Variants in DLG2 observed in about 807,000 individuals in gnomAD.
The protein encoded by DLG2 is discs large MAGUK scaffold protein 2.
Under a neutral mutation model 132.5 loss-of-function variants are expected in DLG2, and 45 were observed. The ratio of observed to expected loss-of-function variants is 0.34; its 90% CI spans 0.27 to 0.44. The LOEUF (loss-of-function observed/expected upper bound fraction) is 0.44. DLG2 is among the 20% of genes least tolerant of loss of function. The probability of loss-of-function intolerance (pLI) is 1.00; values close to 1 mark genes in which losing one functional copy is unlikely to be tolerated. For synonymous variants in DLG2, 424 were observed against 419.6 expected (o/e 1.01, Z -0.13); for missense variants, 1,045 against 1,196.9 (o/e 0.87, Z 1.87).
In DLG2 at chr11:84,364,744, C is replaced by T. The variant is rs567051281; in HGVS notation, c.520-113453G>A. Among the ~76,000 whole-genome samples, 448 of 152,176 alleles carry T rather than the reference C, an allele frequency of 2.9e-3. 1 individual carries two copies. The highest frequency in any genetic ancestry group is 0.01 in the African/African-American group (423 of 41,506). On this transcript the variant is annotated intron_variant, in intron 7 of 27. Coordinates refer to ENST00000376104, the MANE Select transcript of DLG2 (RefSeq NM_001142699.3). ...AAGCGTTGTTGAATTTTGTCAAAGG[C>T]CTTTTCTGCATCTATTGAGATAATC...
intron 4 of DLG2, among the ~76,000 whole-genome samples, chr11:85,220,430 A>G (rs1161826503): frequency 6.6e-6 from 1 of 151,964 alleles, no homozygotes; most frequent in Non-Finnish European, 1.5e-5. Flanking sequence ...AGAGATAAGC[A>G]AGGAGGCCAG....
At chr11:84,207,519 C>T (rs1358689955) in intron 8 of DLG2, among the ~76,000 whole-genome samples, 5 of 152,072 alleles carry the variant, frequency 3.3e-5, no homozygotes, top group South Asian at 2.1e-4. Flanking sequence ...TTGACAAAGG[C>T]GCCAATGGCA....
chr11:85,062,394 C>A (rs191958096), intron 6 of DLG2, among the ~76,000 whole-genome samples: 2 of 151,666 alleles, frequency 1.3e-5, no homozygotes, highest in Admixed American at 1.3e-4. Context: ...ATCTGCAAAT[C>A]TGGGCTCATG....
At chr11:84,462,627 G>T (rs955299487) in intron 7 of DLG2, among the ~76,000 whole-genome samples, 17 of 151,042 alleles carry the variant, frequency 1.1e-4, no homozygotes, top group Admixed American at 6.6e-4. Context: ...AGTATTAAGA[G>T]GGATGCCAGT....
At chr11:85,596,594 T>C (rs1234356417) in intron 3 of DLG2, among the ~76,000 whole-genome samples, 1 of 152,130 alleles carries the variant, frequency 6.6e-6, no homozygotes, top group Non-Finnish European at 1.5e-5. Flanking sequence ...TGGCTATGTA[T>C]TGGCCAGAAT....
intron 7 of DLG2, among the ~76,000 whole-genome samples, chr11:84,403,735 G>A (rs2098838863): frequency 6.6e-6 from 1 of 152,022 alleles, no homozygotes; most frequent in Non-Finnish European, 1.5e-5. Flanking sequence ...ATTTGATTCG[G>A]GTGTCTGTCC....
At chr11:83,790,540 C>A (rs2041252178) in intron 17 of DLG2, 4 of 1,282,654 alleles carry the variant, frequency 3.1e-6, no homozygotes, top group Non-Finnish European at 3.4e-6. Flanking sequence ...GAGTTAAAAT[C>A]AAAATTCAAA....
intron 3 of DLG2, among the ~76,000 whole-genome samples, chr11:85,395,043 T>C (rs185067991): frequency 3.6e-4 from 55 of 152,324 alleles, no homozygotes; most frequent in African/African-American, 1.3e-3. Context: ...ACCATGCTTC[T>C]GTCTGTAAGA....
In DLG2 at chr11:83,512,217, T is replaced by G. The variant is rs6592118; in HGVS notation, c.2193+20491A>C. ...AGGTGCAAAGCCACCCCTTCTGCCC[T>G]CTTCTCTCCCCCAATCCTGTGTGAC... On this transcript the variant is annotated intron_variant, in intron 21 of 27. Coordinates refer to ENST00000376104, the MANE Select transcript of DLG2 (RefSeq NM_001142699.3). Among the ~76,000 whole-genome samples the G allele has an allele frequency of 9.9e-3, 1,514 of 152,236 alleles. 19 individuals are homozygous for G. The highest frequency in any genetic ancestry group is 0.034 in the African/African-American group (1,398 of 41,544).
At chr11:84,771,788 A>G (rs1479823863) in intron 6 of DLG2, among the ~76,000 whole-genome samples, 1 of 152,198 alleles carries the variant, frequency 6.6e-6, no homozygotes, top group Non-Finnish European at 1.5e-5. Flanking sequence ...AACCTCATGT[A>G]TCTATATCAA....
At chr11:85,020,570 C>A (rs1007316977) in intron 6 of DLG2, among the ~76,000 whole-genome samples, 9 of 152,178 alleles carry the variant, frequency 5.9e-5, no homozygotes, top group African/African-American at 2.2e-4. Flanking sequence ...CCTAGATTTT[C>A]TTCCAGGATT....
At chr11:84,014,131 TGTTA>T (rs537146914) in intron 11 of DLG2, among the ~76,000 whole-genome samples, 101 of 152,232 alleles carry the variant, frequency 6.6e-4, no homozygotes, top group Admixed American at 3.1e-3. Flanking sequence ...CCCTTTAACT[TGTTA>T]ATTATGTCAG....
intron 3 of DLG2, among the ~76,000 whole-genome samples, chr11:85,476,619 T>G (rs1055645970): frequency 3.9e-5 from 6 of 152,148 alleles, no homozygotes; most frequent in Admixed American, 3.9e-4. Flanking sequence ...ATTTTTAATT[T>G]TTTACATTTT....
At chr11:83,637,395 A>C (rs1375974025) in intron 18 of DLG2, among the ~76,000 whole-genome samples, 2 of 152,194 alleles carry the variant, frequency 1.3e-5, no homozygotes, top group African/African-American at 2.4e-5. Context: ...TTTACTGAGC[A>C]CCTGCAATGA....
At chr11:84,061,184 T>C (rs1013861552) in intron 10 of DLG2, among the ~76,000 whole-genome samples, 1 of 152,210 alleles carries the variant, frequency 6.6e-6, no homozygotes, top group Non-Finnish European at 1.5e-5. Flanking sequence ...CCATAGTTAA[T>C]TTCCTTAGCC....
At chr11:84,702,219 C>T (rs1197060368) in intron 6 of DLG2, among the ~76,000 whole-genome samples, 1 of 151,596 alleles carries the variant, frequency 6.6e-6, no homozygotes, top group African/African-American at 2.4e-5. Context: ...TACCCTGCAC[C>T]TCTCAAAGCT....
rs191092116 is a variant in DLG2 at position 84,969,462 on chromosome 11, A to G, written c.357+142199T>C. On this transcript the variant is annotated intron_variant, in intron 6 of 27. Coordinates refer to ENST00000376104, the MANE Select transcript of DLG2 (RefSeq NM_001142699.3). ...TTTATATGAGGAATGCATTATAAGCAAAATTCCAGAGAAAAATCTTTTTTG... is the reference window on the plus strand; with the variant it reads ...TTTATATGAGGAATGCATTATAAGCGAAATTCCAGAGAAAAATCTTTTTTG... Among the ~76,000 whole-genome samples, 208 of 152,342 alleles carry G rather than the reference A, an allele frequency of 1.4e-3. 1 individual carries two copies. The highest frequency in any genetic ancestry group is 3.7e-3 in the Admixed American group (56 of 15,292).
intron 3 of DLG2, among the ~76,000 whole-genome samples, chr11:85,489,833 A>C (rs2093516485): frequency 1.3e-5 from 2 of 151,946 alleles, no homozygotes; most frequent in African/African-American, 4.8e-5. Flanking sequence ...TCAACAAATA[A>C]ATTATGAAGG....
chr11:83,940,066 G>A lies in DLG2; in HGVS notation c.1341-9583C>T, dbSNP rs560098885. 2.6e-5 allele frequency among the ~76,000 whole-genome samples: 4 copies of A among 152,316 alleles called. No homozygotes were observed. In the South Asian group the frequency reaches 8.3e-4, roughly 32 times the overall value. On this transcript the variant is annotated intron_variant, in intron 14 of 27. Transcript: ENST00000376104. ...GTGCCTGTTACTGTAAACAGGTTAT[G>A]AAGATTGTTTGGTGGCCATGAGGGA...
Sources: gnomAD v4.1 joint callset for allele counts (sites outside exome capture counted in the v4.1 genomes callset) on GRCh38, gnomAD v4.1.1 for gene constraint, MANE v1.5 for transcripts, NCBI Gene and HGNC (gene_info 2026-07-23, HGNC 2026-07-21) for gene names.